Variants in TANC2 observed in about 807,000 individuals in gnomAD.
TANC2 encodes the protein tetratricopeptide repeat, ankyrin repeat and coiled-coil containing 2, also known as protein TANC2.
Under a neutral mutation model 210.5 loss-of-function variants are expected in TANC2, and 26 were observed. That is an observed-to-expected ratio of 0.12 (90% confidence interval 0.09 to 0.17). The LOEUF (loss-of-function observed/expected upper bound fraction) is 0.17. Among genes scored for constraint, TANC2 ranks in the 10% least tolerant of loss-of-function variants. The pLI, the probability that TANC2 is intolerant of heterozygous loss-of-function variation, is 1.00. For synonymous variants in TANC2, 931 were observed against 967.1 expected, an observed-to-expected ratio of 0.96 and a Z score of 0.69; for missense variants, 2,129 against 2,608.9, an observed-to-expected ratio of 0.82 and a Z score of 4.01.
At chr17:63,342,679 G>C (rs1057231876) in intron 12 of TANC2, among the ~76,000 whole-genome samples, 1 of 152,068 alleles carries the variant, frequency 6.6e-6, no homozygotes, top group African/African-American at 2.4e-5. Context: ...GGGAGGCTGA[G>C]GCAGGAGAAT....
At chr17:63,199,084 A>G (rs1400183179) in intron 6 of TANC2, among the ~76,000 whole-genome samples, 1 of 152,186 alleles carries the variant, frequency 6.6e-6, no homozygotes, top group East Asian at 1.9e-4. Context: ...TTCAACAGAG[A>G]TGATTAAACA....
At chr17:62,991,587 C>T (rs1335802055) in intron 1 of TANC2, among the ~76,000 whole-genome samples, 1 of 150,852 alleles carries the variant, frequency 6.6e-6, no homozygotes, top group Non-Finnish European at 1.5e-5. Context: ...TTGCAGTGAG[C>T]CAAGATCACG....
Position 63,412,091 on chromosome 17 carries a change from T to A in TANC2, c.3859T>A (p.Ser1287Thr), listed in dbSNP as rs1452415768. The stretch of plus-strand genomic sequence containing the variant: ...TAGGGCAGTGGGGTGCCGGAACACT[T>A]CTGTTGTTGTCACTCTTCTGAAGAA... The change falls in exon 23 of 28, where the codon TCT (serine) becomes ACT (threonine). Residue 1287 changes from serine to threonine, a missense_variant. Around this residue, in one of 5 missense-constraint regions of TANC2, gnomAD observed 644 missense variants for 937.5 expected, o/e 0.69. Transcript: ENST00000689528. This position sits in a 1 kb window ranked among gnomAD's most constrained non-coding sequence, Gnocchi z 4.2. 5.6e-6 allele frequency: 9 copies of A among 1,613,758 alleles called. No homozygotes were observed. The Admixed American group carries it at 1.5e-4, about 27-fold the overall frequency.
At chr17:63,074,823 A>C (rs2036516430) in intron 3 of TANC2, among the ~76,000 whole-genome samples, 1 of 152,152 alleles carries the variant, frequency 6.6e-6, no homozygotes, top group African/African-American at 2.4e-5. Flanking sequence ...TAGATTATAA[A>C]ATTTCAGACA....
chr17:63,098,507 C>G (rs1385836653), intron 3 of TANC2, among the ~76,000 whole-genome samples: 7 of 86,338 alleles, frequency 8.1e-5, no homozygotes, highest in African/African-American at 3.9e-4. Context: ...CTCTCTCTCT[C>G]TCTGTGTGTA....
At chr17:63,185,211 G>A (rs2040939163) in intron 5 of TANC2, among the ~76,000 whole-genome samples, 1 of 151,682 alleles carries the variant, frequency 6.6e-6, no homozygotes, top group African/African-American at 2.4e-5. Context: ...GTGTCACCCA[G>A]GCTCGAATAG....
intron 7 of TANC2, among the ~76,000 whole-genome samples, chr17:63,236,878 T>G (rs1398711881): frequency 6.6e-6 from 1 of 152,220 alleles, no homozygotes; most frequent in Non-Finnish European, 1.5e-5. Flanking sequence ...CCACATTTCT[T>G]TATCCATTCA....
At chr17:63,155,368 T>C (rs1430868877) in intron 5 of TANC2, 1 of 152,176 alleles carries the variant, frequency 6.6e-6, no homozygotes, top group African/African-American at 2.4e-5. Context: ...ATTATACTTT[T>C]CTGCATTTTC....
intron 7 of TANC2, among the ~76,000 whole-genome samples, chr17:63,220,869 C>T (rs1165445570): frequency 2.7e-5 from 4 of 149,552 alleles, no homozygotes; most frequent in African/African-American, 4.9e-5. Flanking sequence ...TATATATGTA[C>T]GTATACATCA....
intron 14 of TANC2, among the ~76,000 whole-genome samples, chr17:63,373,913 G>A (rs764571300): frequency 9.8e-4 from 149 of 151,980 alleles, no homozygotes; most frequent in Non-Finnish European, 2.0e-3. Flanking sequence ...CCCAGGAGGC[G>A]GAGGTTGCAA....
At chr17:63,400,410 G>A (rs1371000044) in intron 19 of TANC2, among the ~76,000 whole-genome samples, 2 of 152,010 alleles carry the variant, frequency 1.3e-5, no homozygotes, top group African/African-American at 4.8e-5. Context: ...AAATTTTATG[G>A]CCTCAGGATT....
chr17:63,126,029 G>T (rs1284015371), intron 4 of TANC2, among the ~76,000 whole-genome samples: 1 of 152,160 alleles, frequency 6.6e-6, no homozygotes, highest in Non-Finnish European at 1.5e-5. Context: ...AAAGCAGGTA[G>T]TAATAGTACC....
chr17:63,032,662 T>C (rs2034819998), intron 2 of TANC2, among the ~76,000 whole-genome samples: 1 of 152,164 alleles, frequency 6.6e-6, no homozygotes, highest in South Asian at 2.1e-4. Context: ...ACTTATCAAG[T>C]GCTTGCTAGA....
At chr17:63,226,775 C>A (rs917882833) in intron 7 of TANC2, among the ~76,000 whole-genome samples, 16 of 152,202 alleles carry the variant, frequency 1.1e-4, no homozygotes, top group South Asian at 2.1e-4. Context: ...CCTGACAGGC[C>A]CCAGTGGTGG....
At chr17:63,155,223 AAAAAC>A (rs2039795928) in intron 5 of TANC2, 1 of 152,138 alleles carries the variant, frequency 6.6e-6, no homozygotes, top group Admixed American at 6.6e-5. Flanking sequence ...AAACAAAAAC[AAAAAC>A]AAAACAACCT....
chr17:63,258,106 A>G (rs1335634501), intron 8 of TANC2, among the ~76,000 whole-genome samples: 3 of 152,140 alleles, frequency 2.0e-5, no homozygotes, highest in Non-Finnish European at 4.4e-5. Flanking sequence ...TCATGTTTGA[A>G]GGATGTTTTC....
At chr17:63,228,790 G>T (rs1186858429) in intron 7 of TANC2, among the ~76,000 whole-genome samples, 1 of 152,148 alleles carries the variant, frequency 6.6e-6, no homozygotes, top group Non-Finnish European at 1.5e-5. Flanking sequence ...TATATCCTGA[G>T]ACCTTGCTGA....
At chr17:63,176,993 G>A (rs2040607667) in intron 5 of TANC2, among the ~76,000 whole-genome samples, 1 of 151,966 alleles carries the variant, frequency 6.6e-6, no homozygotes, top group Admixed American at 6.6e-5. Flanking sequence ...GCTGGGCACG[G>A]TGGCTCACAC....
At chr17:63,333,781 C>T (rs1322783110) in intron 11 of TANC2, among the ~76,000 whole-genome samples, 1 of 152,104 alleles carries the variant, frequency 6.6e-6, no homozygotes, top group Non-Finnish European at 1.5e-5. Context: ...CACAGTCACC[C>T]ATCCTTCAGC....
Sources: gnomAD v4.1 joint callset for allele counts (sites outside exome capture counted in the v4.1 genomes callset) on GRCh38, gnomAD v4.1.1 for gene constraint, gnomAD v4.1.1 regional missense constraint, Gnocchi (gnomAD v3.1) non-coding constraint, MANE v1.5 for transcripts, NCBI Gene and HGNC (gene_info 2026-07-23, HGNC 2026-07-21) for gene names.